PCDHA3: variants seen among roughly 807,000 people sequenced by gnomAD.
PCDHA3 encodes protocadherin alpha 3.
In PCDHA3, 41 loss-of-function variants were observed where a neutral mutation model predicts 62.2. That is an observed-to-expected ratio of 0.66 (90% CI 0.51 to 0.86). PCDHA3 has a LOEUF of 0.86. PCDHA3 is among the 40% of genes least tolerant of loss of function. The pLI is 0.00. For synonymous variants in PCDHA3, 640 were observed against 555.4 expected (o/e 1.15, Z -2.14); for missense variants, 1,304 against 1,241.2 (o/e 1.05, Z -0.76).
At chr5:140,898,306 G>A (rs192633483) in intron 1 of PCDHA3, among the ~76,000 whole-genome samples, 25 of 152,228 alleles carry the variant, frequency 1.6e-4, no homozygotes, top group Non-Finnish European at 3.1e-4. Flanking sequence ...TTTCTTCTAG[G>A]GTTTTTATGG....
At position 140,876,690 on chromosome 5, in the gene PCDHA3, G is replaced by A. The variant is rs73793508; in HGVS notation, c.2394+73099G>A. The A allele has an allele frequency of 1.7e-3, 2,720 of 1,614,174 alleles. 43 individuals are homozygous for A. The African/African-American group carries it at 0.033, about 20-fold the overall frequency. ...TGTCCACCTACAAGAATTACTACTC[G>A]TTGGTGCTGGACAGCGCCCTGGACC... On this transcript the variant is annotated intron_variant, in intron 1 of 3. Transcript: ENST00000522353.
At chr5:140,892,537 CTT>C (rs570429050) in intron 1 of PCDHA3, among the ~76,000 whole-genome samples, 2 of 152,252 alleles carry the variant, frequency 1.3e-5, no homozygotes, top group South Asian at 4.1e-4. Flanking sequence ...AGGATTCTGA[CTT>C]TTGTTTCTCT....
At chr5:140,809,211 C>T (rs1554125084) in intron 1 of PCDHA3, 3 of 1,614,048 alleles carry the variant, frequency 1.9e-6, no homozygotes, top group South Asian at 1.1e-5. Flanking sequence ...AGTGGACAGG[C>T]GCCAAAGGCC....
chr5:140,884,445 C>G, intron 1 of PCDHA3: 1 of 1,613,802 alleles, frequency 6.2e-7, no homozygotes, highest in Non-Finnish European at 8.5e-7. Flanking sequence ...TGCTCGGCAC[C>G]GCCCACCGAG....
chr5:140,852,896 TG>T (rs2042516637), intron 1 of PCDHA3: 1 of 852,490 alleles, frequency 1.2e-6, no homozygotes, highest in Non-Finnish European at 1.4e-6. Context: ...TTTTTTTTTT[TG>T]AGTCAGAGTC....
At chr5:140,803,794 A>C in intron 1 of PCDHA3, 1 of 817,710 alleles carries the variant, frequency 1.2e-6, no homozygotes, top group Non-Finnish European at 1.9e-6. Context: ...TATGATATCC[A>C]CACTTGTAAT....
At chr5:140,837,652 CCTTTTTCTTTCATT>C (rs2150143290) in intron 1 of PCDHA3, among the ~76,000 whole-genome samples, 1 of 148,754 alleles carries the variant, frequency 6.7e-6, no homozygotes, top group South Asian at 2.1e-4. Flanking sequence ...TTTCTTTCTT[CCTTTTTCTTTCATT>C]CTTTTTCTTT....
In PCDHA3 at chr5:140,848,841, G is replaced by A. The variant is rs2150422504; in HGVS notation, c.2394+45250G>A. The A allele has an allele frequency of 3.6e-5, 57 of 1,590,472 alleles. 1 individual carries two copies. In the African/African-American group the frequency reaches 7.3e-4, roughly 20 times the overall value. On this transcript the variant is annotated intron_variant, in intron 1 of 3. Transcript: ENST00000522353. ...GGTGATCGTAGACAGGCCGCTGCAG[G>A]TTTTCCATGTGGACGTGGAGGTGAA...
At chr5:140,955,720 T>C (rs921545021) in intron 1 of PCDHA3, among the ~76,000 whole-genome samples, 7 of 152,354 alleles carry the variant, frequency 4.6e-5, no homozygotes, top group East Asian at 1.9e-4. Flanking sequence ...AGGAATACCA[T>C]TGAATCTATA....
intron 1 of PCDHA3, chr5:140,805,232 T>G: frequency 2.2e-6 from 3 of 1,374,810 alleles, no homozygotes; most frequent in Non-Finnish European, 2.8e-6. Context: ...TTCTGCTGCA[T>G]TCCCCATCTG....
At chr5:140,987,050 C>G (rs781947211) in intron 3 of PCDHA3, among the ~76,000 whole-genome samples, 34 of 151,840 alleles carry the variant, frequency 2.2e-4, no homozygotes, top group Non-Finnish European at 2.5e-4. Context: ...CCCATCTCTA[C>G]TAAAGTTACA....
chr5:140,858,016 G>T, intron 1 of PCDHA3: 1 of 1,596,850 alleles, frequency 6.3e-7, no homozygotes, highest in Non-Finnish European at 8.6e-7. Context: ...ATGGCGAGCC[G>T]TCGCTGACGG....
At position 140,966,546 on chromosome 5, in the gene PCDHA3, C is replaced by G. The variant is rs549303882; in HGVS notation, c.2395-12403C>G. The G allele has an allele frequency of 3.9e-5, 18 of 466,228 alleles. No individual in the cohort carries two copies. The Admixed American group carries it at 6.1e-4, about 16-fold the overall frequency. 28.9% of individuals were successfully genotyped at this position (466,228 alleles called of 1,614,324 possible). On this transcript the variant is annotated intron_variant, in intron 1 of 3. Coordinates refer to ENST00000522353, the MANE Select transcript of PCDHA3 (RefSeq NM_018906.3). ...CGAGCCGGGTTGAGCGACTCGGAGGCGAGCGGAGGAGCTGGAATATGGGGA... is the reference window on the plus strand; with the variant it reads ...CGAGCCGGGTTGAGCGACTCGGAGGGGAGCGGAGGAGCTGGAATATGGGGA...
chr5:140,835,892 G>T (rs1774026937), intron 1 of PCDHA3: 1 of 1,612,006 alleles, frequency 6.2e-7, no homozygotes, highest in Non-Finnish European at 8.5e-7. Context: ...GCGAGCGCGC[G>T]CTGTCGAGCT....
At chr5:140,814,900 A>G (rs1231594923) in intron 1 of PCDHA3, 1 of 152,154 alleles carries the variant, frequency 6.6e-6, no homozygotes, top group Non-Finnish European at 1.5e-5. Context: ...TATAATTGCT[A>G]TGTCCTTCTG....
chr5:140,993,397 T>C (rs2097553822), intron 3 of PCDHA3, among the ~76,000 whole-genome samples: 2 of 151,682 alleles, frequency 1.3e-5, no homozygotes, highest in Admixed American at 1.3e-4. Context: ...ACTCCATCAT[T>C]AACCACCTTC....
intron 1 of PCDHA3, among the ~76,000 whole-genome samples, chr5:140,938,353 C>G (rs2092034112): frequency 6.6e-6 from 1 of 152,138 alleles, no homozygotes; most frequent in Admixed American, 6.5e-5. Flanking sequence ...TGTCTTATTC[C>G]TGGTCTCAGA....
At chr5:140,921,500 A>G (rs2080246724) in intron 1 of PCDHA3, among the ~76,000 whole-genome samples, 1 of 152,210 alleles carries the variant, frequency 6.6e-6, no homozygotes, top group Admixed American at 6.5e-5. Context: ...AGTTTATTAG[A>G]TAGTGCCTAA....
chr5:140,882,136 A>T (rs2058967821), intron 1 of PCDHA3: 14 of 1,486,890 alleles, frequency 9.4e-6, no homozygotes, highest in Non-Finnish European at 1.3e-5. Context: ...TCCTGCAGAA[A>T]ATATAGCAGA....
Sources: gnomAD v4.1 joint callset for allele counts (sites outside exome capture counted in the v4.1 genomes callset) on GRCh38, gnomAD v4.1.1 for gene constraint, MANE v1.5 for transcripts, NCBI Gene and HGNC (gene_info 2026-07-23, HGNC 2026-07-21) for gene names.